The following INTS3 variants were observed in gnomAD, a reference collection of about 807,000 sequenced individuals.
INTS3 encodes the protein integrator complex subunit 3.
A neutral mutation model predicts 146.3 loss-of-function variants in INTS3; 34 were observed. The observed-to-expected ratio is 0.23, with a 90% CI of 0.18 to 0.31. The LOEUF is 0.31. Among genes scored for constraint, INTS3 ranks in the 10% least tolerant of loss-of-function variants. The pLI is 1.00. For synonymous variants in INTS3, 475 were observed against 494.9 expected (o/e 0.96, Z 0.53); for missense variants, 757 against 1,304.2 (o/e 0.58, Z 6.46).
rs770186978 is a variant in INTS3, at chr1:153,728,730, AG to A, written c.102del (p.Arg35GlyfsTer14). 6.2e-7 allele frequency: 1 copy of A among 1,608,026 alleles called. No homozygotes were observed. ...GAGGAGCGGGAGCAGGAGCCCCAGG[AG>A]GGGGGAGGCTGCTACTTTCAACCAG... ...GGGAGAGAPG[G>X]GRLLLSTSLD... On this transcript the variant is annotated frameshift_variant, in exon 1 of 30. Coordinates refer to ENST00000318967, the MANE Select transcript of INTS3 (RefSeq NM_023015.5). LOFTEE classifies it high-confidence loss of function.
rs1672951740 is a variant in INTS3 at position 153,772,695 on chromosome 1, G to A, written c.2878G>A (p.Glu960Lys). ...GCAGCATGTCCAAGCGAGCTGTGAC[G>A]AAGCCCACAAGATGAAGTGAGGCTC... ...ALQHVQASCD[E>K]AHKMKFSDLF... Residue 960 changes from glutamate (E) to lysine (K), a missense_variant, in exon 28 of 30, where the codon GAA (glutamate) becomes AAA (lysine). Glu to Lys is a moderately conservative substitution (Grantham distance 56, BLOSUM62 1). Coordinates refer to ENST00000318967, the MANE Select transcript of INTS3 (RefSeq NM_023015.5). This position sits in a 1 kb window ranked among gnomAD's most constrained non-coding sequence, Gnocchi z 4.6. The A allele has an allele frequency of 3.1e-6, 5 of 1,613,942 alleles. No individual in the cohort carries two copies. Among genetic ancestry groups the A allele is most frequent in the Non-Finnish European group, 2.5e-6 (3 of 1,179,892 alleles).
chr1:153,753,065 A>G (rs1672021589), intron 8 of INTS3, among the ~76,000 whole-genome samples: 1 of 151,856 alleles, frequency 6.6e-6, no homozygotes, highest in Non-Finnish European at 1.5e-5. Context: ...ACACACACAC[A>G]CACACTCACT....
intron 5 of INTS3, chr1:153,747,630 G>A: frequency 2.0e-6 from 1 of 509,068 alleles, no homozygotes; most frequent in South Asian, 2.7e-5. Context: ...ATTTTAGCCA[G>A]TCTTCACTCT....
At chr1:153,752,976 A>T (rs1333315215) in intron 8 of INTS3, among the ~76,000 whole-genome samples, 1 of 151,852 alleles carries the variant, frequency 6.6e-6, no homozygotes, top group Admixed American at 6.6e-5. Context: ...ATAACTGTAC[A>T]GCTTTGCTCC....
chr1:153,770,650 C>T (rs899996468), intron 24 of INTS3, 35 bp from the exon 25 acceptor site: 1 of 1,587,328 alleles, frequency 6.3e-7, no homozygotes, highest in Admixed American at 1.7e-5. Context: ...GGAATCATAC[C>T]TTCCCCCTGA....
intron 10 of INTS3, 137 bp from the exon 11 acceptor site, chr1:153,759,389 C>A: frequency 1.4e-6 from 1 of 710,122 alleles, no homozygotes; most frequent in East Asian, 2.5e-5. Context: ...GGGGGGTTAG[C>A]ATTTCACCGT....
At chr1:153,729,180 G>T (rs1252081987) in intron 1 of INTS3, among the ~76,000 whole-genome samples, 1 of 151,460 alleles carries the variant, frequency 6.6e-6, no homozygotes, top group Non-Finnish European at 1.5e-5. Flanking sequence ...TTGGGGGCTG[G>T]TAAGAGCTGG....
At chr1:153,771,998 G>A (rs1419916475) in intron 26 of INTS3, 35 bp downstream of exon 26, 2 of 1,584,494 alleles carry the variant, frequency 1.3e-6, no homozygotes, top group Non-Finnish European at 1.7e-6. Context: ...TCCAGGCCAT[G>A]GCGGTCTGCA....
chr1:153,745,114 C>A (rs890476849), intron 3 of INTS3, among the ~76,000 whole-genome samples: 1 of 150,868 alleles, frequency 6.6e-6, no homozygotes, highest in African/African-American at 2.4e-5. Context: ...TTGATGCCAT[C>A]CTTGCTGTAT....
intron 1 of INTS3, among the ~76,000 whole-genome samples, chr1:153,737,535 G>T (rs1671349167): frequency 6.6e-6 from 1 of 152,126 alleles, no homozygotes; most frequent in African/African-American, 2.4e-5. Flanking sequence ...GTCTCATTCT[G>T]TAGCCCAGGC....
chr1:153,767,210 G>T (rs1220624064), intron 20 of INTS3: 1 of 154,862 alleles, frequency 6.5e-6, no homozygotes, highest in African/African-American at 2.4e-5. Flanking sequence ...TTTACCACTT[G>T]TGTTTTTGTT....
At chr1:153,761,532 A>G (rs770107012) in intron 13 of INTS3, 38 bp from the exon 14 acceptor site, 2 of 1,397,116 alleles carry the variant, frequency 1.4e-6, no homozygotes, top group Non-Finnish European at 2.0e-6. Context: ...AAAATAAGAG[A>G]AGCTCTGATA....
chr1:153,743,528 G>T (rs909364091), intron 3 of INTS3, among the ~76,000 whole-genome samples: 1 of 152,206 alleles, frequency 6.6e-6, no homozygotes, highest in Non-Finnish European at 1.5e-5. Context: ...GTGAACAAGA[G>T]AATTCAGTTA....
intron 1 of INTS3, among the ~76,000 whole-genome samples, chr1:153,734,032 C>G (rs558707938): frequency 6.6e-6 from 1 of 152,164 alleles, no homozygotes; most frequent in South Asian, 2.1e-4. Flanking sequence ...CCTTCCCCCC[C>G]TTTCTCCCCC....
rs188500777 is a variant in INTS3 at position 153,734,026 on chromosome 1, C to T, written c.150+5242C>T. Among the ~76,000 whole-genome samples, 536 of 152,084 alleles carry T rather than the reference C, an allele frequency of 3.5e-3. 1 individual carries two copies. Among genetic ancestry groups the T allele is most frequent in the Non-Finnish European group, 4.7e-3 (322 of 67,990 alleles). ...ATATACTGGGAAAGAGAAAGGCCTTCCCCCCCTTTCTCCCCCATTTCATCT... is the reference window on the plus strand; with the variant it reads ...ATATACTGGGAAAGAGAAAGGCCTTTCCCCCCTTTCTCCCCCATTTCATCT... On this transcript the variant is annotated intron_variant, in intron 1 of 29. Coordinates refer to ENST00000318967, the MANE Select transcript of INTS3 (RefSeq NM_023015.5).
At chr1:153,750,289 C>T (rs1297018893) in intron 6 of INTS3, among the ~76,000 whole-genome samples, 1 of 152,220 alleles carries the variant, frequency 6.6e-6, no homozygotes, top group African/African-American at 2.4e-5. Context: ...TCAATTTTGT[C>T]ACTTAGAGAC....
chr1:153,772,302 C>T lies in INTS3; in HGVS notation c.2721-38C>T. 1 of 1,603,946 alleles carries T rather than the reference C, an allele frequency of 6.2e-7. No individual in the cohort carries two copies. The highest frequency in any genetic ancestry group is 8.5e-7 in the Non-Finnish European group (1 of 1,173,848). On this transcript the variant is annotated intron_variant, in intron 26 of 29. Coordinates refer to ENST00000318967, the MANE Select transcript of INTS3 (RefSeq NM_023015.5). The surrounding 1 kb of genome is among the most constrained non-coding windows in gnomAD (Gnocchi z 4.6). ...AGGGTGTCTCGCACTCTGGAACCCT[C>T]CCACACTCAGACTCTGGCTCTGGTG...
chr1:153,764,250 C>G, intron 18 of INTS3, 29 bp downstream of exon 18: 1 of 1,476,880 alleles, frequency 6.8e-7, no homozygotes, highest in Non-Finnish European at 9.5e-7. Context: ...CACTCCAGAG[C>G]CTCAGGAGCC....
In INTS3 at chr1:153,752,081, G is replaced by T. The variant is rs182497459; in HGVS notation, c.730-198G>T. On this transcript the variant is annotated intron_variant, in intron 7 of 29. Transcript: ENST00000318967. Reference sequence around the variant, plus strand: ...CACTTCCCACTAACCTCTCATCCTTGATATCAGTCCCCAGCTTCCAGCTCT... The same window carrying T: ...CACTTCCCACTAACCTCTCATCCTTTATATCAGTCCCCAGCTTCCAGCTCT... The T allele has an allele frequency of 2.0e-3, 1,206 of 608,848 alleles. 3 individuals carry two copies. Among genetic ancestry groups the T allele is most frequent in the Non-Finnish European group, 2.9e-3 (1,012 of 348,270 alleles). The allele number at this position is 608,848 out of a possible 1,614,324, so 37.7% of individuals were successfully genotyped here.
Sources: gnomAD v4.1 joint callset for allele counts (sites outside exome capture counted in the v4.1 genomes callset) on GRCh38, gnomAD v4.1.1 for gene constraint, Gnocchi (gnomAD v3.1) non-coding constraint, MANE v1.5 for transcripts, NCBI Gene and HGNC (gene_info 2026-07-23, HGNC 2026-07-21) for gene names.